DAB2IP: variants seen among roughly 807,000 people sequenced by gnomAD.
DAB2IP encodes disabled homolog 2-interacting protein.
Under a neutral mutation model 107.2 loss-of-function variants are expected in DAB2IP, and 28 were observed. The ratio of observed to expected loss-of-function variants is 0.26; its 90% confidence interval spans 0.19 to 0.36. The LOEUF is 0.36. Among genes scored for constraint, DAB2IP ranks in the 10% least tolerant of loss-of-function variants. The pLI, the probability that DAB2IP is intolerant of heterozygous loss-of-function variation, is 1.00. For missense variants in DAB2IP, 1,400 were observed against 1,644.7 expected (o/e 0.85, Z 2.57); for synonymous variants, 755 against 706.4 (o/e 1.07, Z -1.09).
chr9:121,782,999 G>A lies in DAB2IP; in HGVS notation c.*501G>A. ...GGACCTGGCACTTGGCAGATCAGTT[G>A]GCAGGCAGGAAGATAGGAGGACACA... On this transcript the variant is annotated 3_prime_UTR_variant, in exon 16 of 16. Transcript: ENST00000408936. This position sits in a 1 kb window ranked among gnomAD's most constrained non-coding sequence, Gnocchi z 6.1. 1 of 1,019,768 alleles carries A rather than the reference G, an allele frequency of 9.8e-7. No individual in the cohort carries two copies. Among genetic ancestry groups the A allele is most frequent in the Non-Finnish European group, 1.2e-6 (1 of 850,254 alleles). 63.2% of individuals were successfully genotyped at this position (1,019,768 alleles called of 1,614,324 possible).
At chr9:121,720,448 C>T (rs972173897) in intron 3 of DAB2IP, among the ~76,000 whole-genome samples, 2 of 152,224 alleles carry the variant, frequency 1.3e-5, no homozygotes, top group Non-Finnish European at 2.9e-5. Context: ...CACAGAGCTC[C>T]TCCCAGTCCC....
Position 121,698,692 on chromosome 9 carries a change from C to T in DAB2IP, c.229-633C>T, listed in dbSNP as rs1829558047. On this transcript the variant is annotated intron_variant, in intron 2 of 15. Transcript: ENST00000408936. The surrounding 1 kb of genome is among the most constrained non-coding windows in gnomAD (Gnocchi z 4.1). ...CTGCCGCTCTGGGAAGGAAAGTCGC[C>T]CGGAATCGGGGTCTAAGTGGCCAGG... 6.6e-6 allele frequency among the ~76,000 whole-genome samples: 1 copy of T among 152,194 alleles called. No homozygotes were observed. Among genetic ancestry groups the T allele is most frequent in the African/African-American group, 2.4e-5 (1 of 41,466 alleles).
rs538925118 is a variant in DAB2IP, at chr9:121,760,961, T to C, written c.1170+522T>C. 2.0e-5 allele frequency among the ~76,000 whole-genome samples: 3 copies of C among 152,230 alleles called. No individual in the cohort carries two copies. The South Asian group carries it at 6.2e-4, about 32-fold the overall frequency. On this transcript the variant is annotated intron_variant, in intron 6 of 15. Transcript: ENST00000408936. This position sits in a 1 kb window ranked among gnomAD's most constrained non-coding sequence, Gnocchi z 5.9. ...CAGGTAGACACAGTCAAAATTGTACTATTCGAGGGTTAGCCAGCCCCACCC... is the reference window on the plus strand; with the variant it reads ...CAGGTAGACACAGTCAAAATTGTACCATTCGAGGGTTAGCCAGCCCCACCC...
At position 121,577,517 on chromosome 9, in the gene DAB2IP, G is replaced by A. The variant is rs149724206; in HGVS notation, c.40+10289G>A. 3.5e-3 allele frequency among the ~76,000 whole-genome samples: 540 copies of A among 152,350 alleles called. 7 individuals are homozygous for A. Among genetic ancestry groups the A allele is most frequent in the African/African-American group, 0.013 (520 of 41,582 alleles). On this transcript the variant is annotated intron_variant, in intron 1 of 16. Transcript: ENST00000259371. ...TCCTCAGGAGCCCGTGAGTGAGCACGTGAGGGCGTGGGGGGCCCACACTCC... is the reference window on the plus strand; with the variant it reads ...TCCTCAGGAGCCCGTGAGTGAGCACATGAGGGCGTGGGGGGCCCACACTCC...
At chr9:121,747,493 G>A (rs570177841) in intron 3 of DAB2IP, among the ~76,000 whole-genome samples, 1,681 of 152,056 alleles carry the variant, frequency 0.011, 21 homozygotes, top group Middle Eastern at 0.017. Flanking sequence ...GACTACAGGC[G>A]CCCGCCATCA....
At chr9:121,594,047 T>C (rs898494256) in intron 1 of DAB2IP, among the ~76,000 whole-genome samples, 2 of 152,068 alleles carry the variant, frequency 1.3e-5, no homozygotes, top group African/African-American at 4.8e-5. Flanking sequence ...AGTCATATAA[T>C]TGCTACCTGT....
chr9:121,725,169 G>A (rs1254478019), intron 3 of DAB2IP, among the ~76,000 whole-genome samples: 4 of 152,184 alleles, frequency 2.6e-5, no homozygotes, highest in Non-Finnish European at 5.9e-5. Context: ...GTGTGCGCGC[G>A]TGTGTATGTG....
At chr9:121,638,302 T>C (rs992938257) in intron 1 of DAB2IP, among the ~76,000 whole-genome samples, 1 of 152,188 alleles carries the variant, frequency 6.6e-6, no homozygotes, top group Non-Finnish European at 1.5e-5. Flanking sequence ...CTAGAGATGA[T>C]TTAAAGTATA....
At chr9:121,669,141 A>G (rs780551995) in intron 1 of DAB2IP, among the ~76,000 whole-genome samples, 16 of 152,074 alleles carry the variant, frequency 1.1e-4, no homozygotes, top group Non-Finnish European at 1.8e-4. Context: ...AGTGTTGGCC[A>G]GGCTGATCTC....
rs1831909631 is a variant in DAB2IP at position 121,736,353 on chromosome 9, A to C, written c.363-20660A>C. On this transcript the variant is annotated intron_variant, in intron 3 of 15. Transcript: ENST00000408936. This position sits in a 1 kb window ranked among gnomAD's most constrained non-coding sequence, Gnocchi z 4.6. Reference sequence around the variant, plus strand: ...GGGGCCGGTGGGGACCCAGACTCGCACGAAGGTGGGGAAGGAGTTGCAAGG... The same window carrying C: ...GGGGCCGGTGGGGACCCAGACTCGCCCGAAGGTGGGGAAGGAGTTGCAAGG... Among the ~76,000 whole-genome samples the C allele has an allele frequency of 6.6e-6, 1 of 152,126 alleles. No homozygotes were observed. Among genetic ancestry groups the C allele is most frequent in the Non-Finnish European group, 1.5e-5 (1 of 68,022 alleles).
chr9:121,776,174 C>A lies in DAB2IP; in HGVS notation c.3121-24C>A, dbSNP rs1409746430. 1.9e-6 allele frequency: 3 copies of A among 1,558,352 alleles called. No homozygotes were observed. The Admixed American group carries it at 5.8e-5, about 30-fold the overall frequency. ...GCTCTCTGTGTCCTGGGTGCTGTGC[C>A]CGTGGACGCTGCCCTCCTGGTAGGA... On this transcript the variant is annotated intron_variant, in intron 13 of 15. Transcript: ENST00000408936. This position sits in a 1 kb window ranked among gnomAD's most constrained non-coding sequence, Gnocchi z 5.4.
intron 1 of DAB2IP, among the ~76,000 whole-genome samples, chr9:121,611,132 C>T (rs777840385): frequency 2.6e-4 from 40 of 152,134 alleles, no homozygotes; most frequent in Non-Finnish European, 4.6e-4. Flanking sequence ...CCTGCCACCA[C>T]GCCCGGCTAA....
chr9:121,737,470 G>A, intron 3 of DAB2IP: 1 of 985,470 alleles, frequency 1.0e-6, no homozygotes, highest in African/African-American at 1.7e-5. Flanking sequence ...CCTCTTAGAT[G>A]CCGGCCCGGC....
intron 2 of DAB2IP, among the ~76,000 whole-genome samples, chr9:121,692,817 G>C (rs547256595): frequency 2.0e-4 from 30 of 152,354 alleles, no homozygotes; most frequent in African/African-American, 7.2e-4. Context: ...ATACCCTTGA[G>C]GGGAGGAGGC....
At chr9:121,755,643 G>A (rs1302009308) in intron 3 of DAB2IP, among the ~76,000 whole-genome samples, 5 of 152,192 alleles carry the variant, frequency 3.3e-5, no homozygotes, top group Non-Finnish European at 5.9e-5. Flanking sequence ...TGTTGCCATG[G>A]AGATGTGGAG....
intron 3 of DAB2IP, among the ~76,000 whole-genome samples, chr9:121,719,170 G>A (rs1830779957): frequency 2.6e-5 from 4 of 152,198 alleles, no homozygotes; most frequent in Admixed American, 2.0e-4. Context: ...CATTCGCAAG[G>A]CCTTAGGATG....
rs1831984569 is a variant in DAB2IP, at chr9:121,633,894, C to A, written c.41-44784C>A. ...CTGCTCTCTTCCTCAACACCCTCAG[C>A]CTCTTGGAGTCCTATTCAAAGGCTT... On this transcript the variant is annotated intron_variant, in intron 1 of 16. Transcript: ENST00000259371. The surrounding 1 kb of genome is among the most constrained non-coding windows in gnomAD (Gnocchi z 5.1). Among the ~76,000 whole-genome samples the A allele has an allele frequency of 6.6e-6, 1 of 152,222 alleles. No homozygotes were observed. The highest frequency in any genetic ancestry group is 1.5e-5 in the Non-Finnish European group (1 of 68,034).
At chr9:121,637,547 C>G (rs1832131892) in intron 1 of DAB2IP, among the ~76,000 whole-genome samples, 1 of 152,184 alleles carries the variant, frequency 6.6e-6, no homozygotes, top group South Asian at 2.1e-4. Flanking sequence ...ATTGAGACGT[C>G]TCAGCCAATG....
intron 1 of DAB2IP, among the ~76,000 whole-genome samples, chr9:121,676,575 G>T (rs974666131): frequency 3.3e-5 from 5 of 152,108 alleles, no homozygotes; most frequent in Non-Finnish European, 7.3e-5. Context: ...GCTCCATGCA[G>T]GGTGCTGGGG....
Sources: allele counts gnomAD v4.1 joint callset (sites outside exome capture counted in the v4.1 genomes callset), GRCh38; gene constraint gnomAD v4.1.1; non-coding constraint Gnocchi (gnomAD v3.1); transcripts MANE v1.5; gene names NCBI Gene and HGNC (gene_info 2026-07-23, HGNC 2026-07-21).